COL5A1: variants seen among roughly 807,000 people sequenced by gnomAD.
The protein encoded by COL5A1 is collagen type V alpha 1 chain, also known as collagen alpha-1(V) chain.
Under a neutral mutation model 263.7 loss-of-function variants are expected in COL5A1, and 16 were observed. That is an observed-to-expected ratio of 0.06 (90% CI 0.04 to 0.09). The LOEUF (loss-of-function observed/expected upper bound fraction) is 0.09. COL5A1 is among the 10% of genes least tolerant of loss of function. The pLI, the probability that COL5A1 is intolerant of heterozygous loss-of-function variation, is 1.00. For synonymous variants in COL5A1, 1,012 were observed against 1,004.5 expected (o/e 1.01, Z -0.14); for missense variants, 2,036 against 2,540.5 (o/e 0.80, Z 4.27).
At chr9:134,646,967 C>A (rs1022751394) in intron 1 of COL5A1, among the ~76,000 whole-genome samples, 2 of 152,194 alleles carry the variant, frequency 1.3e-5, no homozygotes, top group African/African-American at 2.4e-5. Context: ...TGCTTTGAGG[C>A]ATGGTTGTGA....
At chr9:134,786,802 G>A (rs62571365) in intron 31 of COL5A1, among the ~76,000 whole-genome samples, 2,612 of 152,246 alleles carry the variant, frequency 0.017, 30 homozygotes, top group East Asian at 0.035. Context: ...GCGGGGTCCC[G>A]TCTTTCTCAG....
intron 4 of COL5A1, among the ~76,000 whole-genome samples, chr9:134,701,871 G>T (rs1833688023): frequency 6.6e-6 from 1 of 152,360 alleles, no homozygotes; most frequent in East Asian, 1.9e-4. Context: ...GGGAGTCGGG[G>T]CCTGAGCTGA....
Position 134,789,329 on chromosome 9 carries a change from G to A in COL5A1, c.2700+121G>A. 1.2e-6 allele frequency: 1 copy of A among 820,862 alleles called. No homozygotes were observed. Among genetic ancestry groups the A allele is most frequent in the Non-Finnish European group, 2.0e-6 (1 of 492,722 alleles). 50.8% of individuals were successfully genotyped at this position (820,862 alleles called of 1,614,324 possible). ...CTCTTGCTTCTGAAACTGCTCTCCT[G>A]AATGGCTGGCCTTAAGCTCTTGAAC... On this transcript the variant is annotated intron_variant, in intron 32 of 65. Transcript: ENST00000371817. This position sits in a 1 kb window ranked among gnomAD's most constrained non-coding sequence, Gnocchi z 4.8.
At chr9:134,710,439 G>A (rs1301666320) in intron 4 of COL5A1, among the ~76,000 whole-genome samples, 3 of 152,156 alleles carry the variant, frequency 2.0e-5, no homozygotes, top group Non-Finnish European at 4.4e-5. Context: ...CCATCGAGAC[G>A]CCCCGTCTGT....
chr9:134,814,873 C>G lies in COL5A1; in HGVS notation c.3983C>G (p.Pro1328Arg), dbSNP rs140797509. ...GAAGPPGPKGPPGDDGPKGSP... is the reference protein window; with the variant it reads ...GAAGPPGPKGRPGDDGPKGSP... ...GCCGGACCCCCTGGACCCAAAGGCCCTCCCGGAGATGATGGTCCCAAAGGC... is the reference window on the plus strand; with the variant it reads ...GCCGGACCCCCTGGACCCAAAGGCCGTCCCGGAGATGATGGTCCCAAAGGC... The change falls in exon 50 of 66, where the codon CCT (proline) becomes CGT (arginine). Residue 1328 changes from proline to arginine, a missense_variant. Coordinates refer to ENST00000371817, the MANE Select transcript of COL5A1 (RefSeq NM_000093.5). The G allele has an allele frequency of 2.0e-4, 303 of 1,551,126 alleles. No homozygotes were observed. The highest frequency in any genetic ancestry group is 3.5e-4 in the Admixed American group (18 of 51,018).
chr9:134,822,208 C>A (rs1588593075), intron 59 of COL5A1, 58 bp downstream of exon 59: 7 of 1,341,012 alleles, frequency 5.2e-6, no homozygotes, highest in Non-Finnish European at 7.5e-6. Context: ...TGGGGATAAG[C>A]CTTGGGGCCT....
rs991184434 is a variant in COL5A1 at position 134,754,008 on chromosome 9, A to G, written c.1773+105A>G. ...CCAACTGCTGCATGTTTTCAAGGAA[A>G]TTCGTGGGAATTGTCCTTGCTTTAC... On this transcript the variant is annotated intron_variant, in intron 15 of 65. Transcript: ENST00000371817. The surrounding 1 kb of genome is among the most constrained non-coding windows in gnomAD (Gnocchi z 4.3). 22 of 1,070,072 alleles carry G rather than the reference A, an allele frequency of 2.1e-5. No homozygotes were observed. Among genetic ancestry groups the G allele is most frequent in the Non-Finnish European group, 3.2e-5 (22 of 693,790 alleles). 66.3% of individuals were successfully genotyped at this position (1,070,072 alleles called of 1,614,324 possible).
At chr9:134,706,280 T>C (rs1407879021) in intron 4 of COL5A1, among the ~76,000 whole-genome samples, 1 of 152,162 alleles carries the variant, frequency 6.6e-6, no homozygotes, top group African/African-American at 2.4e-5. Flanking sequence ...AAGCCCCAGG[T>C]TTCCAGAGGT....
chr9:134,690,457 C>T (rs760415585), intron 1 of COL5A1, among the ~76,000 whole-genome samples: 6 of 152,222 alleles, frequency 3.9e-5, no homozygotes, highest in Admixed American at 6.5e-5. Context: ...CGGTCAGCTC[C>T]GCAGTGGGCC....
chr9:134,656,338 T>G (rs1831972579), intron 1 of COL5A1, among the ~76,000 whole-genome samples: 1 of 152,182 alleles, frequency 6.6e-6, no homozygotes, highest in African/African-American at 2.4e-5. Context: ...AGTCACCTCT[T>G]GGACTTTTGC....
chr9:134,700,152 C>T lies in COL5A1; in HGVS notation c.491+30C>T, dbSNP rs201287702. The T allele has an allele frequency of 1.6e-5, 26 of 1,591,248 alleles. No homozygotes were observed. The highest frequency in any genetic ancestry group is 2.0e-4 in the Middle Eastern group (1 of 5,006). ...GTGGGCACTTCTGGGCAACTGTCCC[C>T]CTGCTGGAGGGGGGATCAGGCCAGC... is the stretch of plus-strand genomic sequence containing the variant. On this transcript the variant is annotated intron_variant, in intron 3 of 65. Coordinates refer to ENST00000371817, the MANE Select transcript of COL5A1 (RefSeq NM_000093.5). The surrounding 1 kb of genome is among the most constrained non-coding windows in gnomAD (Gnocchi z 4.0).
chr9:134,840,776 C>A (rs1440911120), intron 65 of COL5A1, among the ~76,000 whole-genome samples: 2 of 152,208 alleles, frequency 1.3e-5, no homozygotes, highest in African/African-American at 4.8e-5. Flanking sequence ...TCTCACTACA[C>A]CCTCACAGGG....
In COL5A1 at chr9:134,811,487, T is replaced by G. The variant is rs1371836110; in HGVS notation, c.3583-5T>G. 2 of 1,613,508 alleles carry G rather than the reference T, an allele frequency of 1.2e-6. No homozygotes were observed. Among genetic ancestry groups the G allele is most frequent in the Non-Finnish European group, 1.7e-6 (2 of 1,179,752 alleles). ...CCTCACCCATGGCCGGTTATTTCCC[T>G]GCAGGGAGCTGACGGCGAGCCGGGG... On this transcript the variant is annotated splice_polypyrimidine_tract_variant and splice_region_variant and intron_variant, in intron 45 of 65. Coordinates refer to ENST00000371817, the MANE Select transcript of COL5A1 (RefSeq NM_000093.5).
rs116091044 is a variant in COL5A1, at chr9:134,757,971, C to T, written c.1882-272C>T. Among the ~76,000 whole-genome samples, 1,735 of 152,300 alleles carry T rather than the reference C, an allele frequency of 0.011. 34 individuals are homozygous for T. The highest frequency in any genetic ancestry group is 0.04 in the African/African-American group (1,653 of 41,548). The stretch of plus-strand genomic sequence containing the variant: ...GAAACTGCAGCGGTCGCTGAAATAC[C>T]GCATGACTAAGGACCCGTCGGGGCC... On this transcript the variant is annotated intron_variant, in intron 17 of 65. Coordinates refer to ENST00000371817, the MANE Select transcript of COL5A1 (RefSeq NM_000093.5). This position sits in a 1 kb window ranked among gnomAD's most constrained non-coding sequence, Gnocchi z 6.2.
chr9:134,786,072 T>G, intron 31 of COL5A1, 24 bp downstream of exon 31: 1 of 1,602,744 alleles, frequency 6.2e-7, no homozygotes, highest in Non-Finnish European at 8.5e-7. Context: ...GTGTTAGGTG[T>G]CCCGGGACAG....
chr9:134,782,767 C>T, intron 29 of COL5A1, 47 bp downstream of exon 29: 37 of 1,234,340 alleles, frequency 3.0e-5, no homozygotes, highest in Middle Eastern at 1.9e-4. Context: ...GCTGGGTGGG[C>T]TTGGCCGTGT....
intron 28 of COL5A1, among the ~76,000 whole-genome samples, chr9:134,780,610 G>C (rs370024037): frequency 1.3e-5 from 2 of 152,360 alleles, no homozygotes; most frequent in East Asian, 3.9e-4. Context: ...GGCAGGGAGG[G>C]AGAGAGGCCG....
chr9:134,771,864 ACTGCATTT>A (rs1192946074), intron 25 of COL5A1, among the ~76,000 whole-genome samples: 1 of 152,218 alleles, frequency 6.6e-6, no homozygotes, highest in East Asian at 1.9e-4. Context: ...CGTTGGTGGA[ACTGCATTT>A]CTGCACAGTG....
chr9:134,767,089 C>G, intron 23 of COL5A1, 36 bp downstream of exon 23: 1 of 1,607,596 alleles, frequency 6.2e-7, no homozygotes, highest in East Asian at 2.2e-5. Flanking sequence ...CGCAGGGATC[C>G]GGCCGTGGGA....
Sources: gnomAD v4.1 joint callset for allele counts (sites outside exome capture counted in the v4.1 genomes callset) on GRCh38, gnomAD v4.1.1 for gene constraint, Gnocchi (gnomAD v3.1) non-coding constraint, MANE v1.5 for transcripts, NCBI Gene and HGNC (gene_info 2026-07-23, HGNC 2026-07-21) for gene names.